Variants in CDC42SE2 observed in about 807,000 individuals in gnomAD.
CDC42SE2 encodes the protein CDC42 small effector 2.
CDC42SE2 carries 3 observed loss-of-function variants against 11.5 expected under a neutral mutation model. The observed-to-expected ratio is 0.26, with a 90% CI of 0.12 to 0.67. The LOEUF is 0.67. Among genes scored for constraint, CDC42SE2 ranks in the 30% least tolerant of loss-of-function variants. The pLI, the probability that CDC42SE2 is intolerant of heterozygous loss-of-function variation, is 0.80. For missense variants in CDC42SE2, 82 were observed against 106.8 expected (o/e 0.77, Z 1.02); for synonymous variants, 33 against 34.8 (o/e 0.95, Z 0.18).
chr5:131,261,300 C>T (rs1225581983), upstream of CDC42SE2: 2 of 152,168 alleles, frequency 1.3e-5, no homozygotes, highest in Non-Finnish European at 2.9e-5. Flanking sequence ...ATTTTAAGGA[C>T]AGTGCACAGA....
At chr5:131,302,677 C>T (rs918729540) in intron 1 of CDC42SE2, among the ~76,000 whole-genome samples, 9 of 152,128 alleles carry the variant, frequency 5.9e-5, no homozygotes, top group African/African-American at 2.2e-4. Context: ...TTTGTCTGGA[C>T]ATGTTTTCAT....
chr5:131,284,157 GT>G (rs1481422628), intron 1 of CDC42SE2, among the ~76,000 whole-genome samples: 2 of 152,152 alleles, frequency 1.3e-5, no homozygotes, highest in Non-Finnish European at 2.9e-5. Flanking sequence ...GTTTATCCAT[GT>G]TGTGGTATGT....
intron 1 of CDC42SE2, among the ~76,000 whole-genome samples, chr5:131,309,031 A>G (rs896625146): frequency 1.3e-5 from 2 of 151,098 alleles, no homozygotes; most frequent in Non-Finnish European, 3.0e-5. Flanking sequence ...GCCAGTTTTC[A>G]AAGGGAATGC....
At chr5:131,246,637 G>A (rs558706474) in intron 1 of CDC42SE2, among the ~76,000 whole-genome samples, 15 of 151,976 alleles carry the variant, frequency 9.9e-5, no homozygotes, top group East Asian at 1.9e-4. Context: ...CTTGATTTAC[G>A]TCTTTAAATA....
At chr5:131,337,884 A>G (rs1390833503) in intron 2 of CDC42SE2, among the ~76,000 whole-genome samples, 2 of 152,192 alleles carry the variant, frequency 1.3e-5, no homozygotes, top group East Asian at 3.9e-4. Context: ...TTCTTTGACT[A>G]GGAAAGGGAA....
intron 1 of CDC42SE2, among the ~76,000 whole-genome samples, chr5:131,309,856 G>C (rs1181447720): frequency 6.6e-6 from 1 of 151,730 alleles, no homozygotes; most frequent in African/African-American, 2.4e-5. Context: ...TATTAGTCTT[G>C]CTAGCGGTCT....
At chr5:131,338,468 C>T (rs1758630564) in intron 2 of CDC42SE2, among the ~76,000 whole-genome samples, 1 of 152,116 alleles carries the variant, frequency 6.6e-6, no homozygotes, top group African/African-American at 2.4e-5. Flanking sequence ...AGCAGAATGC[C>T]TGTCTACTAC....
chr5:131,233,714 A>C, the CDC42SE2 span, among the ~76,000 whole-genome samples: 874 of 152,302 alleles, frequency 5.7e-3, 9 homozygotes, highest in African/African-American at 0.02. Context: ...CATTCTGCAC[A>C]CTATATGTAT....
chr5:131,259,979 C>A (rs1374210754), upstream of CDC42SE2, among the ~76,000 whole-genome samples: 1 of 152,214 alleles, frequency 6.6e-6, no homozygotes, highest in Non-Finnish European at 1.5e-5. Flanking sequence ...CCATTTGGGG[C>A]CTTTTATGAG....
chr5:131,274,096 T>C (rs1374549638), intron 1 of CDC42SE2, among the ~76,000 whole-genome samples: 5 of 152,202 alleles, frequency 3.3e-5, no homozygotes, highest in Non-Finnish European at 7.3e-5. Context: ...AAACTAAAAA[T>C]GTTATCTTTA....
At chr5:131,386,547 G>A (rs1045293698) in intron 4 of CDC42SE2, among the ~76,000 whole-genome samples, 3 of 152,124 alleles carry the variant, frequency 2.0e-5, no homozygotes, top group African/African-American at 4.8e-5. Flanking sequence ...AGATTTATTC[G>A]CTGTCTTTTA....
At chr5:131,233,075 G>C in the CDC42SE2 span, among the ~76,000 whole-genome samples, 1 of 151,880 alleles carries the variant, frequency 6.6e-6, no homozygotes, top group African/African-American at 2.4e-5. Flanking sequence ...CCCACCAAAG[G>C]TAATGTGTGC....
intron 2 of CDC42SE2, among the ~76,000 whole-genome samples, chr5:131,322,853 C>G (rs1758219983): frequency 6.6e-6 from 1 of 152,058 alleles, no homozygotes; most frequent in South Asian, 2.1e-4. Context: ...ATTTTGGGGA[C>G]CTGTCATAAT....
At chr5:131,327,075 T>A (rs1173086815) in intron 2 of CDC42SE2, among the ~76,000 whole-genome samples, 1 of 152,208 alleles carries the variant, frequency 6.6e-6, no homozygotes, top group African/African-American at 2.4e-5. Flanking sequence ...TCATTTACAT[T>A]ATTGTAATTA....
chr5:131,337,318 T>A (rs1387184447), intron 2 of CDC42SE2, among the ~76,000 whole-genome samples: 2 of 152,168 alleles, frequency 1.3e-5, no homozygotes, highest in East Asian at 3.9e-4. Context: ...TGCCTGATCG[T>A]TCGTCTGGAA....
chr5:131,307,076 A>G (rs1212876940), intron 1 of CDC42SE2, among the ~76,000 whole-genome samples: 1 of 151,344 alleles, frequency 6.6e-6, no homozygotes, highest in African/African-American at 2.4e-5. Context: ...TTTTTTTATT[A>G]TTATTATACT....
intron 3 of CDC42SE2, among the ~76,000 whole-genome samples, chr5:131,363,136 C>G (rs1467343810): frequency 6.7e-6 from 1 of 150,110 alleles, no homozygotes; most frequent in South Asian, 2.1e-4. Context: ...GGGCAAGACT[C>G]TATCTAAAAA....
At chr5:131,310,611 C>G (rs1489950536) in intron 1 of CDC42SE2, among the ~76,000 whole-genome samples, 1 of 151,364 alleles carries the variant, frequency 6.6e-6, no homozygotes, top group East Asian at 1.9e-4. Context: ...TCAGGACTTG[C>G]TTTATGAATC....
At chr5:131,369,602 A>G (rs989019761) in intron 3 of CDC42SE2, among the ~76,000 whole-genome samples, 1 of 152,188 alleles carries the variant, frequency 6.6e-6, no homozygotes, top group Non-Finnish European at 1.5e-5. Flanking sequence ...CAAAATTTTT[A>G]TCATTGGGGG....
Sources: allele counts gnomAD v4.1 joint callset (sites outside exome capture counted in the v4.1 genomes callset), GRCh38; gene constraint gnomAD v4.1.1; transcripts MANE v1.5; gene names NCBI Gene and HGNC (gene_info 2026-07-23, HGNC 2026-07-21).